Variants in GTF2E2 observed in about 807,000 individuals in gnomAD.
The protein encoded by GTF2E2 is transcription initiation factor IIE subunit beta.
A neutral mutation model predicts 40.5 loss-of-function variants in GTF2E2; 21 were observed. The observed-to-expected ratio is 0.52, with a 90% CI of 0.37 to 0.75. The LOEUF (loss-of-function observed/expected upper bound fraction) is 0.75, where lower values mean the gene tolerates loss of function less well. Among genes scored for constraint, GTF2E2 ranks in the 30% least tolerant of loss-of-function variants. The pLI is 0.00. For synonymous variants in GTF2E2, 117 were observed against 121.6 expected, an observed-to-expected ratio of 0.96 and a Z score of 0.25; for missense variants, 298 against 338.4, an observed-to-expected ratio of 0.88 and a Z score of 0.94.
chr8:30,582,051 G>T (rs1828529324), intron 6 of GTF2E2, among the ~76,000 whole-genome samples: 1 of 152,050 alleles, frequency 6.6e-6, no homozygotes, highest in Non-Finnish European at 1.5e-5. Flanking sequence ...TAGTTCTGTT[G>T]CCCAAACTGG....
intron 2 of GTF2E2, among the ~76,000 whole-genome samples, chr8:30,636,286 T>C (rs2128724085): frequency 6.6e-6 from 1 of 152,330 alleles, no homozygotes; most frequent in Non-Finnish European, 1.5e-5. Flanking sequence ...AAAGTTCCCA[T>C]GTGGCTGATC....
At chr8:30,645,175 A>T in intron 2 of GTF2E2, 1 of 980,922 alleles carries the variant, frequency 1.0e-6, no homozygotes, top group Non-Finnish European at 1.5e-6. Context: ...TTAATTAAGG[A>T]AGATTCATGT....
At chr8:30,580,601 C>T (rs1828490519) in intron 6 of GTF2E2, among the ~76,000 whole-genome samples, 1 of 152,116 alleles carries the variant, frequency 6.6e-6, no homozygotes, top group African/African-American at 2.4e-5. Flanking sequence ...CACACAGCCC[C>T]GACAGTGGGG....
intron 7 of GTF2E2, 111 bp downstream of exon 7, chr8:30,580,170 C>A: frequency 2.9e-6 from 2 of 698,532 alleles, no homozygotes; most frequent in Admixed American, 2.3e-5. Context: ...GCTGCGGACA[C>A]TGAGAAACAA....
At chr8:30,587,481 A>AAT (rs1828715995) in intron 6 of GTF2E2, among the ~76,000 whole-genome samples, 2 of 152,082 alleles carry the variant, frequency 1.3e-5, no homozygotes, top group Admixed American at 1.3e-4. Flanking sequence ...AAAAAAAAAA[A>AAT]AATAACCTGA....
intron 2 of GTF2E2, chr8:30,643,511 C>T (rs540681971): frequency 2.0e-5 from 3 of 152,244 alleles, no homozygotes; most frequent in African/African-American, 7.2e-5. Context: ...CAAAAATTAG[C>T]CAGGTGTGGT....
At chr8:30,645,942 C>T (rs1057513762) in intron 2 of GTF2E2, 1 of 182,754 alleles carries the variant, frequency 5.5e-6, no homozygotes, top group Non-Finnish European at 1.1e-5. Context: ...CTAACCAATT[C>T]ATGTAGACAA....
intron 6 of GTF2E2, among the ~76,000 whole-genome samples, chr8:30,599,591 A>AAAAAC (rs1829114435): frequency 6.6e-6 from 1 of 150,712 alleles, no homozygotes; most frequent in African/African-American, 2.4e-5. Flanking sequence ...AAAAAAAAAA[A>AAAAAC]AAAAACTTCC....
At chr8:30,610,022 T>C (rs922694826) in intron 5 of GTF2E2, among the ~76,000 whole-genome samples, 2 of 152,180 alleles carry the variant, frequency 1.3e-5, no homozygotes, top group African/African-American at 4.8e-5. Context: ...CTCTTTTCTT[T>C]ATAAATTATC....
intron 6 of GTF2E2, among the ~76,000 whole-genome samples, chr8:30,604,876 C>T (rs942023193): frequency 2.0e-5 from 3 of 151,962 alleles, no homozygotes; most frequent in Admixed American, 6.6e-5. Flanking sequence ...CAAATGAAAA[C>T]GGGTAATATT....
chr8:30,636,963 G>A (rs1248844861), intron 2 of GTF2E2: 1 of 441,312 alleles, frequency 2.3e-6, no homozygotes, highest in South Asian at 1.6e-5. Context: ...CAGCACATCT[G>A]TAATAAAAGT....
In GTF2E2 at chr8:30,635,019, G is replaced by C. The variant is rs201112626; in HGVS notation, c.258+13C>G. Reference sequence around the variant, plus strand: ...GTTAAATAGGACTTTTGCTATCTGAGAAAAGTACTTACCTTCATGTAATTC... The same window carrying C: ...GTTAAATAGGACTTTTGCTATCTGACAAAAGTACTTACCTTCATGTAATTC... On this transcript the variant is annotated intron_variant, in intron 3 of 7. Coordinates refer to ENST00000355904, the MANE Select transcript of GTF2E2 (RefSeq NM_002095.6). The C allele has an allele frequency of 6.9e-6, 10 of 1,449,276 alleles. No individual in the cohort carries two copies. Among genetic ancestry groups the C allele is most frequent in the Middle Eastern group, 1.8e-4 (1 of 5,692 alleles). The allele number at this position is 1,449,276 out of a possible 1,614,324, so 89.8% of individuals were successfully genotyped here.
At chr8:30,610,060 G>C (rs1042114867) in intron 5 of GTF2E2, among the ~76,000 whole-genome samples, 2 of 152,116 alleles carry the variant, frequency 1.3e-5, no homozygotes, top group Non-Finnish European at 2.9e-5. Flanking sequence ...TTATAGCATT[G>C]CAAGAATAGA....
chr8:30,635,131 T>C lies in GTF2E2; in HGVS notation c.167-8A>G. 1 of 1,512,238 alleles carries C rather than the reference T, an allele frequency of 6.6e-7. No homozygotes were observed. Among genetic ancestry groups the C allele is most frequent in the South Asian group, 1.1e-5 (1 of 87,700 alleles). The allele number at this position is 1,512,238 out of a possible 1,614,324, so 93.7% of individuals were successfully genotyped here. A position where few individuals can be genotyped will look rare whatever the true frequency, so the allele number is the denominator to read the frequency against. On this transcript the variant is annotated splice_region_variant and splice_polypyrimidine_tract_variant and intron_variant, in intron 2 of 7. Transcript: ENST00000355904. Reference sequence around the variant, plus strand: ...ATGATCCATTGCTATGATCTGCAAATGAAGTTCAAAATAACATCGTCATAT... The same window carrying C: ...ATGATCCATTGCTATGATCTGCAAACGAAGTTCAAAATAACATCGTCATAT...
intron 6 of GTF2E2, among the ~76,000 whole-genome samples, chr8:30,604,936 C>T (rs184599078): frequency 6.6e-6 from 1 of 152,142 alleles, no homozygotes; most frequent in East Asian, 1.9e-4. Flanking sequence ...AAAGTTAAAA[C>T]AATAGTATCC....
intron 3 of GTF2E2, among the ~76,000 whole-genome samples, chr8:30,633,643 A>G (rs914676112): frequency 2.0e-5 from 3 of 152,226 alleles, no homozygotes; most frequent in African/African-American, 7.2e-5. Context: ...AGTGAAGACC[A>G]TATTAACAGA....
intron 6 of GTF2E2, among the ~76,000 whole-genome samples, chr8:30,592,485 G>A (rs1207812618): frequency 2.0e-5 from 3 of 152,156 alleles, no homozygotes; most frequent in African/African-American, 4.8e-5. Flanking sequence ...CATCGTTCAC[G>A]TATAGTCAGC....
intron 3 of GTF2E2, among the ~76,000 whole-genome samples, chr8:30,633,756 G>C (rs1181681530): frequency 6.6e-6 from 1 of 152,132 alleles, no homozygotes; most frequent in African/African-American, 2.4e-5. Flanking sequence ...GCCCTAAACA[G>C]CCAATAGATT....
At chr8:30,646,979 CAAAAAAAAA>C (rs56762565) in intron 2 of GTF2E2, among the ~76,000 whole-genome samples, 44 of 51,212 alleles carry the variant, frequency 8.6e-4, no homozygotes, top group African/African-American at 1.4e-3. Context: ...GACTCCGTCT[CAAAAAAAAA>C]AAAAAAAAAA....
Sources: gnomAD v4.1 joint callset for allele counts (sites outside exome capture counted in the v4.1 genomes callset) on GRCh38, gnomAD v4.1.1 for gene constraint, MANE v1.5 for transcripts, NCBI Gene and HGNC (gene_info 2026-07-23, HGNC 2026-07-21) for gene names.